SDK1: variants seen among roughly 807,000 people sequenced by gnomAD.
SDK1 encodes protein sidekick-1.
SDK1 carries 157 observed loss-of-function variants against 245.5 expected under a neutral mutation model. That is an observed-to-expected ratio of 0.64 (90% CI 0.56 to 0.73). The LOEUF is 0.73. Among genes scored for constraint, SDK1 ranks in the 30% least tolerant of loss-of-function variants. The pLI is 0.00. For missense variants in SDK1, 3,583 were observed against 3,002.3 expected (o/e 1.19, Z -4.52); for synonymous variants, 1,647 against 1,278.5 (o/e 1.29, Z -6.15).
intron 13 of SDK1, among the ~76,000 whole-genome samples, chr7:3,985,401 G>C (rs776158761): frequency 1.3e-5 from 2 of 152,204 alleles, no homozygotes; most frequent in Non-Finnish European, 2.9e-5. Flanking sequence ...ATTGCAGCAG[G>C]GGGAATAGGA....
chr7:3,567,146 A>G (rs1779947315), intron 1 of SDK1, among the ~76,000 whole-genome samples: 1 of 152,200 alleles, frequency 6.6e-6, no homozygotes, highest in Non-Finnish European at 1.5e-5. Context: ...AAGTATTTAC[A>G]TTGTTAGGTT....
intron 1 of SDK1, among the ~76,000 whole-genome samples, chr7:3,603,072 T>A (rs909550117): frequency 3.9e-5 from 6 of 151,924 alleles, no homozygotes; most frequent in Non-Finnish European, 7.4e-5. Context: ...CCATGCTGTT[T>A]TGGTTACTGT....
intron 1 of SDK1, among the ~76,000 whole-genome samples, chr7:3,326,845 T>A (rs1480687417): frequency 6.6e-6 from 1 of 152,168 alleles, no homozygotes; most frequent in Non-Finnish European, 1.5e-5. Flanking sequence ...CAGGCTGTCA[T>A]TTAACCTGTG....
At chr7:3,470,481 A>G (rs1276197634) in intron 1 of SDK1, among the ~76,000 whole-genome samples, 1 of 152,212 alleles carries the variant, frequency 6.6e-6, no homozygotes, top group African/African-American at 2.4e-5. Context: ...AGTTACAGCT[A>G]AGAACAGCTA....
At chr7:4,091,619 G>A (rs1242833447) in intron 22 of SDK1, among the ~76,000 whole-genome samples, 2 of 152,056 alleles carry the variant, frequency 1.3e-5, no homozygotes. Context: ...TAGGATTACA[G>A]GCGTGAGCCA....
chr7:3,733,312 A>G (rs1481858215), intron 4 of SDK1, among the ~76,000 whole-genome samples: 1 of 152,240 alleles, frequency 6.6e-6, no homozygotes, highest in African/African-American at 2.4e-5. Flanking sequence ...ATAATTGGGA[A>G]GCCTCCTAAA....
chr7:3,391,524 G>C (rs1470418874), intron 1 of SDK1, among the ~76,000 whole-genome samples: 1 of 151,596 alleles, frequency 6.6e-6, no homozygotes, highest in East Asian at 1.9e-4. Context: ...TTCCACAAAG[G>C]AATTATTATA....
At chr7:3,404,459 A>G (rs1336993775) in intron 1 of SDK1, among the ~76,000 whole-genome samples, 1 of 152,232 alleles carries the variant, frequency 6.6e-6, no homozygotes, top group East Asian at 1.9e-4. Flanking sequence ...AGAACAGAGA[A>G]TCTGCAGTAT....
At chr7:3,918,246 A>G (rs1779454928) in intron 5 of SDK1, among the ~76,000 whole-genome samples, 1 of 152,180 alleles carries the variant, frequency 6.6e-6, no homozygotes, top group Non-Finnish European at 1.5e-5. Context: ...GTATCGGTCC[A>G]TGGCCTATTA....
rs972530896 is a variant in SDK1 at position 3,657,250 on chromosome 7, G to T, written c.713+15145G>T. 5.9e-5 allele frequency among the ~76,000 whole-genome samples: 9 copies of T among 152,142 alleles called. 1 individual carries two copies. The highest frequency in any genetic ancestry group is 4.6e-4 in the Admixed American group (7 of 15,270). ...GTAAACTGGAAAGATCAAGGCAGTC[G>T]TACAAAGACAGGGCAAAACATGCTA... On this transcript the variant is annotated intron_variant, in intron 4 of 44. Coordinates refer to ENST00000404826, the MANE Select transcript of SDK1 (RefSeq NM_152744.4).
chr7:3,492,000 C>A (rs528401885), intron 1 of SDK1, among the ~76,000 whole-genome samples: 4 of 152,168 alleles, frequency 2.6e-5, no homozygotes, highest in Non-Finnish European at 5.9e-5. Flanking sequence ...GAACACATTA[C>A]GTTTTCTTCC....
Position 3,958,937 on chromosome 7 carries a change from C to T in SDK1, c.1157C>T (p.Pro386Leu). 6.2e-7 allele frequency: 1 copy of T among 1,613,326 alleles called. No individual in the cohort carries two copies. Among genetic ancestry groups the T allele is most frequent in the Non-Finnish European group, 8.5e-7 (1 of 1,179,442 alleles). The change falls in exon 8 of 45, where the codon CCA (proline) becomes CTA (leucine). Residue 386 changes from proline to leucine, a missense_variant. Pro to Leu is a moderately conservative substitution (Grantham distance 98). Coordinates refer to ENST00000404826, the MANE Select transcript of SDK1 (RefSeq NM_152744.4). ...ATAFLFIIEP[P>L]YFTAEPESRI... Reference sequence around the variant, plus strand: ...TTTATTTTCTTGTTTGAAGAGCCACCATATTTTACTGCTGAGCCCGAGAGT... The same window carrying T: ...TTTATTTTCTTGTTTGAAGAGCCACTATATTTTACTGCTGAGCCCGAGAGT...
At chr7:3,670,974 C>G (rs994096904) in intron 4 of SDK1, among the ~76,000 whole-genome samples, 2 of 152,052 alleles carry the variant, frequency 1.3e-5, no homozygotes, top group Non-Finnish European at 2.9e-5. Flanking sequence ...CATCCTGTAA[C>G]TTTTTTTTGC....
intron 1 of SDK1, among the ~76,000 whole-genome samples, chr7:3,615,141 T>C (rs1044183880): frequency 1.3e-5 from 2 of 151,708 alleles, no homozygotes; most frequent in Admixed American, 1.3e-4. Context: ...ATGTATGTTT[T>C]CTATGACTCA....
chr7:3,969,989 C>G (rs934472842), intron 11 of SDK1, among the ~76,000 whole-genome samples: 4 of 152,172 alleles, frequency 2.6e-5, no homozygotes, highest in African/African-American at 4.8e-5. Flanking sequence ...AGCTTTTGCA[C>G]TTTTTAAAAT....
intron 1 of SDK1, among the ~76,000 whole-genome samples, chr7:3,335,814 C>T (rs1294962855): frequency 6.6e-6 from 1 of 152,072 alleles, no homozygotes; most frequent in Non-Finnish European, 1.5e-5. Flanking sequence ...TGGGAATGGG[C>T]CAGAGATTTA....
intron 30 of SDK1, among the ~76,000 whole-genome samples, chr7:4,153,868 A>T (rs1439795347): frequency 6.6e-6 from 1 of 150,654 alleles, no homozygotes; most frequent in East Asian, 2.0e-4. Context: ...TTTTTTAGAA[A>T]TGGGGTCTCA....
At chr7:3,364,272 A>G (rs1186520438) in intron 1 of SDK1, among the ~76,000 whole-genome samples, 1 of 152,156 alleles carries the variant, frequency 6.6e-6, no homozygotes, top group Non-Finnish European at 1.5e-5. Flanking sequence ...TTGCGTAGAA[A>G]ATGTTTTTAA....
At chr7:3,630,466 T>G (rs1262752086) in intron 2 of SDK1, among the ~76,000 whole-genome samples, 1 of 152,166 alleles carries the variant, frequency 6.6e-6, no homozygotes, top group Non-Finnish European at 1.5e-5. Flanking sequence ...ATCTGAAAAT[T>G]ACATATTTAA....
Sources: gnomAD v4.1 joint callset for allele counts (sites outside exome capture counted in the v4.1 genomes callset) on GRCh38, gnomAD v4.1.1 for gene constraint, MANE v1.5 for transcripts, NCBI Gene and HGNC (gene_info 2026-07-23, HGNC 2026-07-21) for gene names.